CTHRC1: variants seen among roughly 807,000 people sequenced by gnomAD.
The protein encoded by CTHRC1 is collagen triple helix repeat containing 1, also known as collagen triple helix repeat-containing protein 1.
Under a neutral mutation model 25.9 loss-of-function variants are expected in CTHRC1, and 21 were observed. The observed-to-expected ratio is 0.81, with a 90% CI of 0.57 to 1.17. The LOEUF (loss-of-function observed/expected upper bound fraction) is 1.17, where lower values mean the gene tolerates loss of function less well. Ranked by LOEUF, CTHRC1 falls within the 50% of genes most tolerant of loss-of-function variation. CTHRC1 has a pLI of 0.00. For missense variants in CTHRC1, 281 were observed against 304.3 expected, an observed-to-expected ratio of 0.92 and a Z score of 0.57; for synonymous variants, 109 against 113.1, an observed-to-expected ratio of 0.96 and a Z score of 0.23.
chr8:103,378,393 C>A, intron 3 of CTHRC1, 150 bp downstream of exon 3: 1 of 701,568 alleles, frequency 1.4e-6, no homozygotes, highest in Non-Finnish European at 2.6e-6. Flanking sequence ...TGTACTTCTG[C>A]ATTACCTCTC....
At chr8:103,375,399 G>A (rs1351614114) in intron 1 of CTHRC1, among the ~76,000 whole-genome samples, 2 of 152,052 alleles carry the variant, frequency 1.3e-5, no homozygotes, top group Non-Finnish European at 2.9e-5. Flanking sequence ...AGAGTTAGAA[G>A]AAAAAAGCAG....
chr8:103,377,144 T>A (rs2575692), intron 2 of CTHRC1: 116,927 of 152,152 alleles, frequency 0.77, 45,033 homozygotes, highest in Middle Eastern at 0.83. Context: ...CAAATTTGCA[T>A]AGACCAATGA....
rs2130404877 is a variant in CTHRC1 at position 103,378,233 on chromosome 8, C to T, written c.579C>T (p.Arg193=). 3.1e-6 allele frequency: 5 copies of T among 1,611,806 alleles called. No homozygotes were observed. Among genetic ancestry groups the T allele is most frequent in the Non-Finnish European group, 4.2e-6 (5 of 1,179,038 alleles). ...TGAATTCAACAATTAATATTCATCG[C>T]ACTTCTTCTGGTATGTAAAATTGTG... ...PEMNSTINIH[R]TSSVEGLCEG... is the part of the protein sequence containing the mutation. The change falls in exon 3 of 4, where the codon CGC becomes CGT. Residue 193 remains arginine (R), a synonymous_variant. Transcript: ENST00000330295.
rs565255263 is a variant in CTHRC1 at position 103,379,197 on chromosome 8, T to C, written c.589+954T>C. On this transcript the variant is annotated intron_variant, in intron 3 of 3. Transcript: ENST00000330295. ...GAGGAAAAGACATTCAGTGGTCACT[T>C]AAACTGTCAGAAAAATATCATTGGG... Among the ~76,000 whole-genome samples the C allele has an allele frequency of 2.6e-5, 4 of 152,364 alleles. No homozygotes were observed. The Middle Eastern group carries it at 0.01, about 389-fold the overall frequency.
chr8:103,381,984 C>T (rs144320802), intron 3 of CTHRC1, among the ~76,000 whole-genome samples: 11,604 of 149,904 alleles, frequency 0.077, 564 homozygotes, highest in East Asian at 0.19. Context: ...GGTGACAGAG[C>T]GAGATTCCAT....
chr8:103,373,522 G>A (rs1233287283), intron 1 of CTHRC1, among the ~76,000 whole-genome samples: 1 of 151,314 alleles, frequency 6.6e-6, no homozygotes, highest in African/African-American at 2.4e-5. Context: ...GAAGACTGAT[G>A]TAACACCTGC....
chr8:103,378,261 A>T lies in CTHRC1; in HGVS notation c.589+18A>T, dbSNP rs1206159274. On this transcript the variant is annotated intron_variant, in intron 3 of 3. Coordinates refer to ENST00000330295, the MANE Select transcript of CTHRC1 (RefSeq NM_138455.4). Reference sequence around the variant, plus strand: ...TTCTTCTGGTATGTAAAATTGTGACATTGCAAGATGTGCCTCAGATCTAAG... The same window carrying T: ...TTCTTCTGGTATGTAAAATTGTGACTTTGCAAGATGTGCCTCAGATCTAAG... 6.3e-7 allele frequency: 1 copy of T among 1,587,336 alleles called. No homozygotes were observed. The highest frequency in any genetic ancestry group is 8.6e-7 in the Non-Finnish European group (1 of 1,160,610).
At chr8:103,372,392 T>C in intron 1 of CTHRC1, 4 of 1,416,450 alleles carry the variant, frequency 2.8e-6, no homozygotes, top group Non-Finnish European at 3.7e-6. Flanking sequence ...GGGCTGCAAT[T>C]TACTTTGTTG....
intron 2 of CTHRC1, 130 bp from the exon 3 acceptor site, chr8:103,377,897 C>T: frequency 1.2e-6 from 1 of 825,598 alleles, no homozygotes; most frequent in Non-Finnish European, 2.0e-6. Flanking sequence ...AGCCACCACA[C>T]CCGGCCAAGT....
chr8:103,381,033 T>C (rs897379970), intron 3 of CTHRC1, among the ~76,000 whole-genome samples: 5 of 152,200 alleles, frequency 3.3e-5, no homozygotes, highest in African/African-American at 1.2e-4. Flanking sequence ...CTCAATCAAA[T>C]AGGAAGCCTA....
In CTHRC1 at chr8:103,382,849, A is replaced by G. The variant is rs1815938352; in HGVS notation, c.*249A>G. The G allele has an allele frequency of 2.3e-6, 1 of 426,386 alleles. No homozygotes were observed. The highest frequency in any genetic ancestry group is 4.3e-6 in the Non-Finnish European group (1 of 233,088). The allele number at this position is 426,386 out of a possible 1,614,324, so 26.4% of individuals were successfully genotyped here. On this transcript the variant is annotated 3_prime_UTR_variant, in exon 4 of 4. Transcript: ENST00000330295. Reference sequence around the variant, plus strand: ...TCATAGTCACATTCTCTCAACCTATAATTTGGAATATTGTTGTGGTCTTTT... The same window carrying G: ...TCATAGTCACATTCTCTCAACCTATGATTTGGAATATTGTTGTGGTCTTTT...
At chr8:103,375,592 C>A (rs188327199) in intron 1 of CTHRC1, 146 bp from the exon 2 acceptor site, 60 of 711,304 alleles carry the variant, frequency 8.4e-5, no homozygotes, top group Non-Finnish European at 1.4e-4. Flanking sequence ...AAAATGAATT[C>A]TCTGTAATAA....
At position 103,371,686 on chromosome 8, in the gene CTHRC1, G is replaced by T; in HGVS notation, c.30G>T (p.Pro10=). The T allele has an allele frequency of 6.5e-7, 1 of 1,533,110 alleles. No individual in the cohort carries two copies. The highest frequency in any genetic ancestry group is 8.8e-7 in the Non-Finnish European group (1 of 1,140,972). The allele number at this position is 1,533,110 out of a possible 1,614,324, so 95.0% of individuals were successfully genotyped here. A position where few individuals can be genotyped will look rare whatever the true frequency, so the allele number is the denominator to read the frequency against. Residue 10 remains proline (P), a synonymous_variant, in exon 1 of 4, where the codon CCG becomes CCT. Coordinates refer to ENST00000330295, the MANE Select transcript of CTHRC1 (RefSeq NM_138455.4). MRPQGPAAS[P]QRLRGLLLLL... ...GACCCCAGGGCCCCGCCGCCTCCCC[G>T]CAGCGGCTCCGCGGCCTCCTGCTGC... is the stretch of plus-strand genomic sequence containing the variant.
chr8:103,372,620 G>A (rs925691234), intron 1 of CTHRC1: 1 of 1,598,174 alleles, frequency 6.3e-7, no homozygotes, highest in Non-Finnish European at 8.5e-7. Flanking sequence ...AACTGGAAAT[G>A]AACGGCCCGA....
intron 3 of CTHRC1, among the ~76,000 whole-genome samples, chr8:103,382,118 A>G (rs368137139): frequency 6.6e-6 from 1 of 152,184 alleles, no homozygotes; most frequent in Non-Finnish European, 1.5e-5. Context: ...TTGGCTTTTA[A>G]AAGTATATAT....
intron 3 of CTHRC1, among the ~76,000 whole-genome samples, chr8:103,382,239 TTATATCA>T (rs1428704072): frequency 6.6e-6 from 1 of 152,194 alleles, no homozygotes; most frequent in East Asian, 1.9e-4. Flanking sequence ...CTTGTTAAAC[TTATATCA>T]TAGAATGGAT....
chr8:103,374,623 C>A (rs1464761075), intron 1 of CTHRC1, among the ~76,000 whole-genome samples: 1 of 152,168 alleles, frequency 6.6e-6, no homozygotes, highest in Non-Finnish European at 1.5e-5. Flanking sequence ...AGGTCTAAAT[C>A]CTGAAAGGTC....
At chr8:103,373,855 A>G (rs561678704) in intron 1 of CTHRC1, among the ~76,000 whole-genome samples, 1 of 152,026 alleles carries the variant, frequency 6.6e-6, no homozygotes, top group South Asian at 2.1e-4. Flanking sequence ...CCTGAGGGGA[A>G]TAATAGTGAA....
At chr8:103,376,315 A>G (rs1029290562) in intron 2 of CTHRC1, among the ~76,000 whole-genome samples, 1 of 152,214 alleles carries the variant, frequency 6.6e-6, no homozygotes, top group Non-Finnish European at 1.5e-5. Flanking sequence ...CTTCAGACAT[A>G]AAGGTGGGAA....
Sources: allele counts gnomAD v4.1 joint callset (sites outside exome capture counted in the v4.1 genomes callset), GRCh38; gene constraint gnomAD v4.1.1; transcripts MANE v1.5; gene names NCBI Gene and HGNC (gene_info 2026-07-23, HGNC 2026-07-21).